Variants in MYLK observed in about 807,000 individuals in gnomAD.
The protein encoded by MYLK is myosin light chain kinase.
Under a neutral mutation model 203.4 loss-of-function variants are expected in MYLK, and 106 were observed. That is an observed-to-expected ratio of 0.52 (90% CI 0.45 to 0.61). The LOEUF is 0.61. Among genes scored for constraint, MYLK ranks in the 20% least tolerant of loss-of-function variants. The pLI, the probability that MYLK is intolerant of heterozygous loss-of-function variation, is 0.00. For synonymous variants in MYLK, 867 were observed against 959.5 expected, an observed-to-expected ratio of 0.90 and a Z score of 1.78; for missense variants, 2,072 against 2,442.3, an observed-to-expected ratio of 0.85 and a Z score of 3.20.
chr3:123,750,496 C>A (rs974041324), intron 5 of MYLK, among the ~76,000 whole-genome samples: 6 of 152,140 alleles, frequency 3.9e-5, no homozygotes, highest in African/African-American at 1.4e-4. Context: ...GTTTTATATG[C>A]CTCCCCTGTA....
At chr3:123,729,001 A>C (rs748810940) in intron 11 of MYLK, among the ~76,000 whole-genome samples, 1 of 152,160 alleles carries the variant, frequency 6.6e-6, no homozygotes, top group Non-Finnish European at 1.5e-5. Context: ...AAAAACTTCA[A>C]AGGAAAAACT....
intron 4 of MYLK, among the ~76,000 whole-genome samples, chr3:123,781,820 T>C (rs1030027989): frequency 1.3e-5 from 2 of 152,068 alleles, no homozygotes; most frequent in African/African-American, 2.4e-5. Flanking sequence ...AGCCAGCTCA[T>C]GGTAAAGTGC....
intron 11 of MYLK, among the ~76,000 whole-genome samples, chr3:123,732,134 G>A (rs1342464509): frequency 6.6e-6 from 1 of 152,172 alleles, no homozygotes; most frequent in African/African-American, 2.4e-5. Flanking sequence ...TATGGCATGG[G>A]CCTGGGGCTT....
rs150514917 is a variant in MYLK at position 123,849,802 on chromosome 3, G to A, written c.-126-18132C>T. Among the ~76,000 whole-genome samples, 478 of 151,806 alleles carry A rather than the reference G, an allele frequency of 3.1e-3. 2 individuals carry two copies. The highest frequency in any genetic ancestry group is 0.011 in the African/African-American group (438 of 41,360). ...GTACATGTGCACAACGTGCAGGTTC[G>A]TTACATATGTATACATGTGCCCTGT... is the stretch of plus-strand genomic sequence containing the variant. On this transcript the variant is annotated intron_variant, in intron 2 of 33. Coordinates refer to ENST00000360304, the MANE Select transcript of MYLK (RefSeq NM_053025.4).
intron 1 of MYLK, among the ~76,000 whole-genome samples, chr3:123,879,204 C>A (rs560414321): frequency 6.6e-6 from 1 of 152,078 alleles, no homozygotes. Context: ...TATTTTTGAT[C>A]GAGTATAAAA....
At chr3:123,707,071 G>C (rs182725016) in intron 16 of MYLK, among the ~76,000 whole-genome samples, 1 of 152,092 alleles carries the variant, frequency 6.6e-6, no homozygotes, top group Non-Finnish European at 1.5e-5. Context: ...CTCCCTCTTC[G>C]ATCACTAGCT....
At chr3:123,745,199 T>C (rs1237987746) in intron 5 of MYLK, among the ~76,000 whole-genome samples, 3 of 152,144 alleles carry the variant, frequency 2.0e-5, no homozygotes, top group Non-Finnish European at 4.4e-5. Context: ...CTGGTAGGAC[T>C]GTGAGGAACT....
chr3:123,765,058 G>A (rs1007971480), intron 4 of MYLK, among the ~76,000 whole-genome samples: 1 of 152,136 alleles, frequency 6.6e-6, no homozygotes, highest in East Asian at 1.9e-4. Context: ...TTTAAAAAAA[G>A]CAATAGAAAA....
At chr3:123,850,246 T>C (rs2030602067) in intron 2 of MYLK, among the ~76,000 whole-genome samples, 1 of 152,222 alleles carries the variant, frequency 6.6e-6, no homozygotes, top group East Asian at 1.9e-4. Flanking sequence ...TATCATCCTT[T>C]GGGTATATAC....
At chr3:123,694,085 A>C (rs917774817) in intron 18 of MYLK, among the ~76,000 whole-genome samples, 1 of 152,234 alleles carries the variant, frequency 6.6e-6, no homozygotes, top group African/African-American at 2.4e-5. Flanking sequence ...AAGAGTAAGG[A>C]TATCAGTTCT....
chr3:123,830,066 T>C (rs2066271174), intron 3 of MYLK, among the ~76,000 whole-genome samples: 1 of 152,250 alleles, frequency 6.6e-6, no homozygotes, highest in Non-Finnish European at 1.5e-5. Flanking sequence ...GCTTCTGGCA[T>C]AGCCCACTCA....
At position 123,793,726 on chromosome 3, in the gene MYLK, G is replaced by A. The variant is rs779238932; in HGVS notation, c.116C>T (p.Pro39Leu). The A allele has an allele frequency of 5.0e-6, 8 of 1,614,030 alleles. No individual in the cohort carries two copies. The African/African-American group carries it at 9.3e-5, about 19-fold the overall frequency. ...TCCTTCTTTGATGCAGAGGTTCCGA[G>A]GGGGCAAAATGAAAGCAGGGGCCTC... ...LTEAPAFILP[P>L]RNLCIKEGAT... Residue 39 changes from proline (P) to leucine (L), a missense_variant, in exon 4 of 34, where the codon CCT (proline) becomes CTT (leucine). Around this residue, in one of 3 missense-constraint regions of MYLK, gnomAD observed 683 missense variants for 643.8 expected, o/e 1.06. Transcript: ENST00000360304.
chr3:123,694,153 C>G (rs572796091), intron 18 of MYLK, among the ~76,000 whole-genome samples: 155 of 152,324 alleles, frequency 1.0e-3, no homozygotes, highest in Non-Finnish European at 1.6e-3. Context: ...TTCCCCTTTA[C>G]TCCTTGCCAC....
intron 2 of MYLK, among the ~76,000 whole-genome samples, chr3:123,857,542 T>C (rs980873294): frequency 6.7e-6 from 1 of 149,824 alleles, no homozygotes; most frequent in Non-Finnish European, 1.5e-5. Flanking sequence ...TAAACTATCG[T>C]AAGAACAAAA....
intron 4 of MYLK, among the ~76,000 whole-genome samples, chr3:123,791,902 G>T (rs1328473826): frequency 6.6e-6 from 1 of 152,190 alleles, no homozygotes; most frequent in African/African-American, 2.4e-5. Context: ...CTAACTTCAT[G>T]AAGTACTTTT....
intron 2 of MYLK, among the ~76,000 whole-genome samples, chr3:123,856,326 C>A (rs1300490086): frequency 1.3e-5 from 2 of 152,204 alleles, no homozygotes; most frequent in Non-Finnish European, 2.9e-5. Context: ...ACACTGGGAA[C>A]TGCCCAGAAT....
chr3:123,705,210 G>A (rs2061416513), intron 16 of MYLK, among the ~76,000 whole-genome samples: 1 of 152,136 alleles, frequency 6.6e-6, no homozygotes, highest in African/African-American at 2.4e-5. Flanking sequence ...CTAGGTTGCT[G>A]GAGGAGTGAG....
chr3:123,732,816 G>T, intron 11 of MYLK, 80 bp downstream of exon 11: 1 of 1,385,204 alleles, frequency 7.2e-7, no homozygotes, highest in Non-Finnish European at 1.0e-6. Context: ...TATAGGAGAT[G>T]AACCATCTGC....
chr3:123,618,747 C>T lies in MYLK; in HGVS notation c.5392G>A (p.Glu1798Lys), dbSNP rs777616795. ...TGAGGCTTTTCCTCAGCAACAGCCT[C>T]AAGGAAAGCTTGGGACACATCTTCT... Reference protein sequence around the residue: ...SEEDVSQAFLEAVAEEKPHVK... With the variant: ...SEEDVSQAFLKAVAEEKPHVK... The change falls in exon 33 of 34, where the codon GAG becomes AAG. Residue 1798 changes from glutamate (E) to lysine (K), a missense_variant. Around this residue, in one of 3 missense-constraint regions of MYLK, gnomAD observed 524 missense variants for 782.4 expected, o/e 0.67. Coordinates refer to ENST00000360304, the MANE Select transcript of MYLK (RefSeq NM_053025.4). 6.2e-7 allele frequency: 1 copy of T among 1,614,130 alleles called. No homozygotes were observed. Among genetic ancestry groups the T allele is most frequent in the Non-Finnish European group, 8.5e-7 (1 of 1,180,006 alleles).
Sources: allele counts gnomAD v4.1 joint callset (sites outside exome capture counted in the v4.1 genomes callset), GRCh38; gene constraint gnomAD v4.1.1; regional missense constraint gnomAD v4.1.1; transcripts MANE v1.5; gene names NCBI Gene and HGNC (gene_info 2026-07-23, HGNC 2026-07-21).